The following EARS2 variants were observed in gnomAD, a reference collection of about 807,000 sequenced individuals.
EARS2 encodes nondiscriminating glutamyl-tRNA synthetase EARS2, mitochondrial.
A neutral mutation model predicts 54.1 loss-of-function variants in EARS2; 50 were observed. The ratio of observed to expected loss-of-function variants is 0.92; its 90% CI spans 0.74 to 1.17. The LOEUF is 1.17. EARS2 is among the 50% of genes most tolerant of loss of function. EARS2 has a pLI of 0.00. For missense variants in EARS2, 673 were observed against 675.0 expected (o/e 1.00, Z 0.03); for synonymous variants, 298 against 281.0 (o/e 1.06, Z -0.61).
At chr16:23,544,201 C>T (rs1965562612) in intron 3 of EARS2, among the ~76,000 whole-genome samples, 1 of 152,110 alleles carries the variant, frequency 6.6e-6, no homozygotes, top group Admixed American at 6.6e-5. Context: ...TGGAGAGGCT[C>T]GCATGGCAAA....
At chr16:23,535,865 C>T (rs970579319) in intron 3 of EARS2, among the ~76,000 whole-genome samples, 4 of 152,176 alleles carry the variant, frequency 2.6e-5, no homozygotes, top group African/African-American at 9.7e-5. Flanking sequence ...TGGATGTTGT[C>T]CTGTAAGGGG....
rs993012389 is a variant in EARS2 at position 23,521,942 on chromosome 16, C to T, written c.*2429G>A. The T allele has an allele frequency of 1.6e-5, 6 of 384,518 alleles. No homozygotes were observed. The highest frequency in any genetic ancestry group is 1.3e-4 in the Admixed American group (4 of 30,964). 23.8% of individuals were successfully genotyped at this position (384,518 alleles called of 1,614,324 possible). ...TTGGTTTTGCCTCGTACTATAACCTCGGAAGTTTTAGTTAACTTTTCAGAA... is the reference window on the plus strand; with the variant it reads ...TTGGTTTTGCCTCGTACTATAACCTTGGAAGTTTTAGTTAACTTTTCAGAA... On this transcript the variant is annotated 3_prime_UTR_variant, in exon 9 of 9. Coordinates refer to ENST00000449606, the MANE Select transcript of EARS2 (RefSeq NM_001083614.2).
chr16:23,525,590 C>A (rs1206972367), intron 7 of EARS2, among the ~76,000 whole-genome samples: 1 of 152,174 alleles, frequency 6.6e-6, no homozygotes, highest in East Asian at 1.9e-4. Context: ...ACAGAGAAGC[C>A]AGTGGTCACA....
intron 4 of EARS2, 121 bp downstream of exon 4, chr16:23,534,767 T>A (rs1965384182): frequency 2.5e-6 from 2 of 813,508 alleles, no homozygotes; most frequent in Admixed American, 2.9e-5. Flanking sequence ...AATAAACTTG[T>A]CCAAGGTCAC....
chr16:23,544,532 C>T lies in EARS2; in HGVS notation c.467G>A (p.Arg156Gln), dbSNP rs370114606. 1.1e-5 allele frequency: 17 copies of T among 1,613,764 alleles called. No homozygotes were observed. The highest frequency in any genetic ancestry group is 4.0e-5 in the African/African-American group (3 of 74,918). The change falls in exon 3 of 9, where the codon CGG (arginine) becomes CAG (glutamine). Residue 156 changes from arginine to glutamine, a missense_variant. Arg to Gln is a conservative substitution (Grantham distance 43). This residue lies in a region of EARS2 where 316 missense variants were observed against 275.2 expected (regional missense o/e 1.15). Transcript: ENST00000449606. ...RLELLKKEALRNHQTPRYDNR... is the reference protein window; with the variant it reads ...RLELLKKEALQNHQTPRYDNR... ...TTCTTACCGGGGCGTCTGGTGGTTC[C>T]GCAAGGCCTCCTTCTTCAGGAGCTC...
chr16:23,524,676 TCA>T (rs1965195198), intron 8 of EARS2, among the ~76,000 whole-genome samples: 2 of 145,764 alleles, frequency 1.4e-5, no homozygotes, highest in Non-Finnish European at 3.0e-5. Flanking sequence ...AGATAGAGTC[TCA>T]CTCTATCACC....
intron 3 of EARS2, among the ~76,000 whole-genome samples, chr16:23,542,769 C>A (rs1597019521): frequency 6.6e-6 from 1 of 152,082 alleles, no homozygotes; most frequent in African/African-American, 2.4e-5. Context: ...TGGGCTGGGC[C>A]TAGTGACTTT....
At chr16:23,527,576 CAG>C (rs1965251112) in intron 7 of EARS2, among the ~76,000 whole-genome samples, 1 of 113,090 alleles carries the variant, frequency 8.8e-6, no homozygotes. Context: ...TTTTTTGAGA[CAG>C]AGTCTTGCTC....
In EARS2 at chr16:23,521,488, G is replaced by T. The variant is rs11074564; in HGVS notation, c.*2883C>A. 0.84 allele frequency among the ~76,000 whole-genome samples: 127,003 copies of T among 151,812 alleles called. 53,242 individuals are homozygous for T. The highest frequency in any genetic ancestry group is 0.9 in the Middle Eastern group (266 of 294). On this transcript the variant is annotated 3_prime_UTR_variant, in exon 9 of 9. Transcript: ENST00000449606. ...ATTCATAGCTCACTGCAGCCTTAAC[G>T]CCTCAGCTCAAGTGATCCTCCTACC...
rs1368809430 is a variant in EARS2 at position 23,523,880 on chromosome 16, T to C, written c.*491A>G. 1.3e-5 allele frequency: 2 copies of C among 156,448 alleles called. No individual in the cohort carries two copies. The highest frequency in any genetic ancestry group is 2.8e-5 in the Non-Finnish European group (2 of 70,822). The allele number at this position is 156,448 out of a possible 1,614,324, so 9.7% of individuals were successfully genotyped here. A position where few individuals can be genotyped will look rare whatever the true frequency, so the allele number is the denominator to read the frequency against. ...GAGGGAAGACCGCACAAGGACACAG[T>C]GAGAAGACAGCTGTCTGCAAGCCAA... On this transcript the variant is annotated 3_prime_UTR_variant, in exon 9 of 9. Coordinates refer to ENST00000449606, the MANE Select transcript of EARS2 (RefSeq NM_001083614.2).
intron 3 of EARS2, among the ~76,000 whole-genome samples, chr16:23,542,517 C>T (rs1008604158): frequency 5.3e-4 from 78 of 146,444 alleles, no homozygotes; most frequent in Admixed American, 7.5e-4. Flanking sequence ...GGTTTCACCA[C>T]ATTGGCCAGG....
chr16:23,546,541 T>C, intron 2 of EARS2: 1 of 426,480 alleles, frequency 2.3e-6, no homozygotes, highest in Admixed American at 2.6e-5. Context: ...ACCGGTGCTC[T>C]CTATGCTTTG....
rs756733389 is a variant in EARS2, at chr16:23,534,879, G to A, written c.958+9C>T. ...CTCTGCTGCCAGGACTATTCAGGTG[G>A]GCACGTACCTGCAAAACCTGAGCCA... On this transcript the variant is annotated intron_variant, in intron 4 of 8. Transcript: ENST00000449606. 1 of 1,559,626 alleles carries A rather than the reference G, an allele frequency of 6.4e-7. No homozygotes were observed. The highest frequency in any genetic ancestry group is 1.2e-5 in the South Asian group (1 of 81,194).
intron 2 of EARS2, among the ~76,000 whole-genome samples, chr16:23,550,167 C>T (rs2039375667): frequency 6.6e-6 from 1 of 151,994 alleles, no homozygotes; most frequent in African/African-American, 2.4e-5. Flanking sequence ...TCAACAGCAG[C>T]CTGGGCAACA....
In EARS2 at chr16:23,521,856, A is replaced by C; in HGVS notation, c.*2515T>G. On this transcript the variant is annotated 3_prime_UTR_variant, in exon 9 of 9. Coordinates refer to ENST00000449606, the MANE Select transcript of EARS2 (RefSeq NM_001083614.2). ...ATGTCTTAGAAACAGATGCTCTGAC[A>C]ACACTCAGTAGATCAGAGTTAAGCT... 2.2e-6 allele frequency: 1 copy of C among 456,070 alleles called. No individual in the cohort carries two copies. The highest frequency in any genetic ancestry group is 4.4e-6 in the Non-Finnish European group (1 of 226,798). 28.3% of individuals were successfully genotyped at this position (456,070 alleles called of 1,614,324 possible). A position where few individuals can be genotyped will look rare whatever the true frequency, so the allele number is the denominator to read the frequency against.
intron 2 of EARS2, among the ~76,000 whole-genome samples, chr16:23,551,452 C>CA (rs1965692707): frequency 6.6e-6 from 1 of 151,854 alleles, no homozygotes; most frequent in Non-Finnish European, 1.5e-5. Context: ...CTCATCTCTA[C>CA]AAAAAAATTA....
chr16:23,527,658 A>G lies in EARS2; in HGVS notation c.1352+1844T>C, dbSNP rs1034455456. On this transcript the variant is annotated intron_variant, in intron 7 of 8. Coordinates refer to ENST00000449606, the MANE Select transcript of EARS2 (RefSeq NM_001083614.2). ...AAGCTCCGCCTCCCGGATTCACGCC[A>G]TTCTCCTGCCTCAGCCTTCCGAGTA... 2.1e-5 allele frequency among the ~76,000 whole-genome samples: 3 copies of G among 143,912 alleles called. No individual in the cohort carries two copies. The East Asian group carries it at 6.1e-4, about 29-fold the overall frequency. 94.4% of individuals were successfully genotyped at this position (143,912 alleles called of 152,430 possible).
chr16:23,543,210 G>C (rs1350938664), intron 3 of EARS2, among the ~76,000 whole-genome samples: 4 of 150,990 alleles, frequency 2.6e-5, no homozygotes, highest in Admixed American at 6.6e-5. Flanking sequence ...CTTGAGGCCA[G>C]GAGTTCAAGA....
chr16:23,549,620 C>T (rs1197962264), intron 2 of EARS2, among the ~76,000 whole-genome samples: 1 of 152,160 alleles, frequency 6.6e-6, no homozygotes, highest in Non-Finnish European at 1.5e-5. Flanking sequence ...TGCACCACTA[C>T]ACCTGGGTAA....
Sources: allele counts gnomAD v4.1 joint callset (sites outside exome capture counted in the v4.1 genomes callset), GRCh38; gene constraint gnomAD v4.1.1; regional missense constraint gnomAD v4.1.1; transcripts MANE v1.5; gene names NCBI Gene and HGNC (gene_info 2026-07-23, HGNC 2026-07-21).